Variants in VNN1 observed in about 807,000 individuals in gnomAD.
VNN1 encodes vanin 1.
In VNN1, 29 loss-of-function variants were observed where a neutral mutation model predicts 41.9. The ratio of observed to expected loss-of-function variants is 0.69; its 90% CI spans 0.52 to 0.94. The LOEUF is 0.94. VNN1 is among the 40% of genes least tolerant of loss of function. VNN1 has a pLI of 0.00. For missense variants in VNN1, 637 were observed against 621.1 expected, an observed-to-expected ratio of 1.03 and a Z score of -0.27; for synonymous variants, 233 against 224.4, an observed-to-expected ratio of 1.04 and a Z score of -0.34.
chr6:132,696,694 C>G (rs1000244707), intron 2 of VNN1, among the ~76,000 whole-genome samples: 2 of 150,436 alleles, frequency 1.3e-5, no homozygotes, highest in African/African-American at 4.9e-5. Context: ...ATCTGACAAC[C>G]AAGAATTCTA....
At chr6:132,687,022 G>C (rs998409917) in intron 5 of VNN1, among the ~76,000 whole-genome samples, 4 of 152,106 alleles carry the variant, frequency 2.6e-5, no homozygotes, top group African/African-American at 9.7e-5. Context: ...AAAAATAGCA[G>C]AGAAAATGTC....
chr6:132,693,851 C>T (rs1158939688), intron 3 of VNN1, 139 bp downstream of exon 3: 25 of 1,012,852 alleles, frequency 2.5e-5, no homozygotes, highest in Admixed American at 9.4e-5. Flanking sequence ...GAGCTTTCCA[C>T]GCTTTATCAT....
Position 132,681,047 on chromosome 6 carries a change from T to C in VNN1, c.*2093A>G, listed in dbSNP as rs1166073071. Among the ~76,000 whole-genome samples the C allele has an allele frequency of 6.6e-6, 1 of 152,180 alleles. No homozygotes were observed. The highest frequency in any genetic ancestry group is 1.5e-5 in the Non-Finnish European group (1 of 68,030). On this transcript the variant is annotated 3_prime_UTR_variant, in exon 7 of 7. Transcript: ENST00000367928. ...ATATAAATACATATATTCACTATGATAGCATCCAAAATGGCCCCCATGAAG... is the reference window on the plus strand; with the variant it reads ...ATATAAATACATATATTCACTATGACAGCATCCAAAATGGCCCCCATGAAG...
At chr6:132,685,359 G>T (rs937129662) in intron 5 of VNN1, among the ~76,000 whole-genome samples, 1 of 152,194 alleles carries the variant, frequency 6.6e-6, no homozygotes, top group East Asian at 1.9e-4. Context: ...AGCAGCAGCC[G>T]CTAACTGGTC....
chr6:132,713,344 A>G lies in VNN1; in HGVS notation c.210+482T>C, dbSNP rs188137418. On this transcript the variant is annotated intron_variant, in intron 1 of 6. Transcript: ENST00000367928. ...CTCACAATGCATTACATATACTTTT[A>G]TCTTGTAATTAGAATGAAGTGTGAA... 3.8e-3 allele frequency among the ~76,000 whole-genome samples: 578 copies of G among 152,338 alleles called. 4 individuals carry two copies. Among genetic ancestry groups the G allele is most frequent in the African/African-American group, 0.013 (549 of 41,580 alleles).
At chr6:132,701,948 G>A (rs1326151609) in intron 2 of VNN1, among the ~76,000 whole-genome samples, 10 of 152,280 alleles carry the variant, frequency 6.6e-5, no homozygotes, top group African/African-American at 2.4e-4. Flanking sequence ...GCCCACAGAG[G>A]GCACATTTAG....
intron 2 of VNN1, among the ~76,000 whole-genome samples, chr6:132,697,161 GAGGA>G (rs879584038): frequency 6.6e-5 from 10 of 152,078 alleles, no homozygotes; most frequent in African/African-American, 1.2e-4. Flanking sequence ...GGGAGGCAGG[GAGGA>G]AGGAAGGAAG....
At chr6:132,711,534 G>A (rs77131228) in intron 2 of VNN1, among the ~76,000 whole-genome samples, 175 bp downstream of exon 2, 1 of 152,150 alleles carries the variant, frequency 6.6e-6, no homozygotes, top group Non-Finnish European at 1.5e-5. Flanking sequence ...TCTGACTTCT[G>A]TGACTTCATA....
intron 5 of VNN1, among the ~76,000 whole-genome samples, chr6:132,687,836 AT>A (rs1778229129): frequency 6.6e-6 from 1 of 152,220 alleles, no homozygotes; most frequent in South Asian, 2.1e-4. Flanking sequence ...AATTAACGAA[AT>A]TTAAAAAAAT....
Position 132,682,858 on chromosome 6 carries a change from C to T in VNN1, c.*282G>A, listed in dbSNP as rs1231384460. 4.5e-5 allele frequency: 9 copies of T among 200,948 alleles called. No homozygotes were observed. Among genetic ancestry groups the T allele is most frequent in the East Asian group, 1.2e-4 (1 of 8,516 alleles). 12.4% of individuals were successfully genotyped at this position (200,948 alleles called of 1,614,324 possible). ...TATGATAGTTCTTATGTTTTCTACC[C>T]GTAGTTTTTATTTCTTCTGCGTAAA... On this transcript the variant is annotated 3_prime_UTR_variant, in exon 7 of 7. Coordinates refer to ENST00000367928, the MANE Select transcript of VNN1 (RefSeq NM_004666.3).
intron 2 of VNN1, among the ~76,000 whole-genome samples, chr6:132,706,640 G>T (rs1447347944): frequency 6.6e-6 from 1 of 152,100 alleles, no homozygotes; most frequent in Non-Finnish European, 1.5e-5. Flanking sequence ...GGCAACCAAA[G>T]CAAAAATGGA....
intron 5 of VNN1, among the ~76,000 whole-genome samples, chr6:132,686,453 A>T (rs993839763): frequency 6.6e-6 from 1 of 152,216 alleles, no homozygotes; most frequent in Admixed American, 6.5e-5. Flanking sequence ...CTCAAAAAAA[A>T]CAAAGTTTAT....
intron 5 of VNN1, among the ~76,000 whole-genome samples, chr6:132,691,885 G>A (rs926244647): frequency 1.3e-5 from 2 of 151,958 alleles, no homozygotes; most frequent in African/African-American, 4.8e-5. Context: ...GCACTCGCCT[G>A]TAGTCCCAGC....
intron 5 of VNN1, among the ~76,000 whole-genome samples, chr6:132,688,371 A>T (rs181202684): frequency 1.3e-5 from 2 of 152,198 alleles, no homozygotes; most frequent in African/African-American, 2.4e-5. Context: ...AAATAGGAAG[A>T]TTCCAAAACA....
In VNN1 at chr6:132,692,300, C is replaced by T; in HGVS notation, c.1111G>A (p.Glu371Lys). The change falls in exon 5 of 7, where the codon GAG (glutamate) becomes AAG (lysine). Residue 371 changes from glutamate to lysine, a missense_variant. Glu to Lys is a moderately conservative substitution (Grantham distance 56). Transcript: ENST00000367928. Reference protein sequence around the residue: ...LCCHLSYKMSENIPNEVYALG... With the variant: ...LCCHLSYKMSKNIPNEVYALG... The stretch of plus-strand genomic sequence containing the variant: ...GCGTACACTTCATTTGGTATGTTCT[C>T]AGACATTTTGTAGCTTAAATGACAG... 6.2e-7 allele frequency: 1 copy of T among 1,614,130 alleles called. No individual in the cohort carries two copies. Among genetic ancestry groups the T allele is most frequent in the Non-Finnish European group, 8.5e-7 (1 of 1,179,994 alleles).
chr6:132,684,609 C>A, intron 5 of VNN1, 104 bp from the exon 6 acceptor site: 1 of 1,013,474 alleles, frequency 9.9e-7, no homozygotes. Flanking sequence ...CAAAACGTCA[C>A]ATCATACACT....
intron 2 of VNN1, among the ~76,000 whole-genome samples, chr6:132,704,311 C>A (rs1464910468): frequency 6.6e-6 from 1 of 152,036 alleles, no homozygotes; most frequent in Admixed American, 6.6e-5. Flanking sequence ...TATGTTAGGT[C>A]ACAAAACAAA....
At chr6:132,698,493 C>T (rs1194806062) in intron 2 of VNN1, among the ~76,000 whole-genome samples, 1 of 152,224 alleles carries the variant, frequency 6.6e-6, no homozygotes, top group Non-Finnish European at 1.5e-5. Flanking sequence ...GCTTATAAAG[C>T]ATTAGGCTTA....
intron 2 of VNN1, among the ~76,000 whole-genome samples, chr6:132,710,649 T>G (rs1235244542): frequency 6.6e-6 from 1 of 152,176 alleles, no homozygotes; most frequent in Admixed American, 6.5e-5. Flanking sequence ...TGTGTTAGTT[T>G]GCTGAGAATG....
Sources: gnomAD v4.1 joint callset for allele counts (sites outside exome capture counted in the v4.1 genomes callset) on GRCh38, gnomAD v4.1.1 for gene constraint, MANE v1.5 for transcripts, NCBI Gene and HGNC (gene_info 2026-07-23, HGNC 2026-07-21) for gene names.